CDH13: variants seen among roughly 807,000 people sequenced by gnomAD.
CDH13 encodes the protein cadherin-13.
In CDH13, 24 loss-of-function variants were observed where a neutral mutation model predicts 63.8. The observed-to-expected ratio is 0.38, with a 90% confidence interval of 0.27 to 0.53. CDH13 has a LOEUF of 0.53. Ranked by LOEUF, CDH13 falls within the 20% of genes least tolerant of loss-of-function variation. The pLI, the probability that CDH13 is intolerant of heterozygous loss-of-function variation, is 0.85. For synonymous variants in CDH13, 503 were observed against 355.3 expected (o/e 1.42, Z -4.67); for missense variants, 1,049 against 903.1 (o/e 1.16, Z -2.07).
At chr16:83,206,807 C>T (rs2039196666) in intron 4 of CDH13, among the ~76,000 whole-genome samples, 2 of 152,198 alleles carry the variant, frequency 1.3e-5, no homozygotes, top group Admixed American at 6.5e-5. Flanking sequence ...TTTCTCCAAT[C>T]AAGAGACCAA....
intron 13 of CDH13, among the ~76,000 whole-genome samples, chr16:83,787,060 C>T (rs896367526): frequency 6.6e-6 from 1 of 152,202 alleles, no homozygotes; most frequent in African/African-American, 2.4e-5. Flanking sequence ...CACAAACTGA[C>T]ACATACACTC....
At chr16:83,582,615 T>C (rs1905726375) in intron 7 of CDH13, among the ~76,000 whole-genome samples, 1 of 152,044 alleles carries the variant, frequency 6.6e-6, no homozygotes, top group African/African-American at 2.4e-5. Flanking sequence ...GGAGCCTGAG[T>C]GGCCAGGTCT....
At chr16:83,226,800 C>T (rs891583916) in intron 5 of CDH13, among the ~76,000 whole-genome samples, 4 of 152,302 alleles carry the variant, frequency 2.6e-5, no homozygotes, top group African/African-American at 4.8e-5. Context: ...CTGGCTATGA[C>T]GAGCATTGTG....
At chr16:83,068,100 A>G (rs558891402) in intron 3 of CDH13, among the ~76,000 whole-genome samples, 1 of 152,264 alleles carries the variant, frequency 6.6e-6, no homozygotes, top group Admixed American at 6.5e-5. Flanking sequence ...CAAGGGCCCC[A>G]CCTGAAATGG....
chr16:82,942,638 C>T (rs1457123499), intron 2 of CDH13, among the ~76,000 whole-genome samples: 1 of 152,170 alleles, frequency 6.6e-6, no homozygotes, highest in East Asian at 1.9e-4. Flanking sequence ...CCAATGTGAA[C>T]CATGCTGTAT....
chr16:83,755,469 C>G (rs1254907643), intron 11 of CDH13, among the ~76,000 whole-genome samples: 1 of 152,018 alleles, frequency 6.6e-6, no homozygotes, highest in Non-Finnish European at 1.5e-5. Context: ...AAACCACAAG[C>G]TGGATAAATT....
chr16:83,290,854 CTGTT>C (rs1203161889), intron 5 of CDH13, among the ~76,000 whole-genome samples: 4 of 152,154 alleles, frequency 2.6e-5, no homozygotes, highest in Admixed American at 2.6e-4. Flanking sequence ...CTTTTCCTGA[CTGTT>C]CTCTCTGCCT....
At chr16:82,875,000 G>A (rs895270553) in intron 2 of CDH13, among the ~76,000 whole-genome samples, 4 of 152,134 alleles carry the variant, frequency 2.6e-5, no homozygotes, top group Non-Finnish European at 5.9e-5. Flanking sequence ...CCAGGCTTTT[G>A]GCCATACTCA....
At chr16:83,677,943 A>G (rs1055080611) in intron 9 of CDH13, among the ~76,000 whole-genome samples, 1 of 152,170 alleles carries the variant, frequency 6.6e-6, no homozygotes, top group African/African-American at 2.4e-5. Flanking sequence ...CCGGATCACT[A>G]AGGCTCAAGT....
chr16:82,913,480 A>C (rs1162068258), intron 2 of CDH13, among the ~76,000 whole-genome samples: 1 of 152,154 alleles, frequency 6.6e-6, no homozygotes, highest in Non-Finnish European at 1.5e-5. Context: ...AATATGTGGA[A>C]ATCCAGGCCA....
intron 3 of CDH13, among the ~76,000 whole-genome samples, chr16:83,090,152 A>G (rs969347895): frequency 6.6e-6 from 1 of 152,122 alleles, no homozygotes; most frequent in Admixed American, 6.5e-5. Flanking sequence ...CCCAGGTCCC[A>G]GCTTCTCCAC....
chr16:82,989,022 A>C (rs534113897), intron 2 of CDH13, among the ~76,000 whole-genome samples: 1 of 152,348 alleles, frequency 6.6e-6, no homozygotes, highest in African/African-American at 2.4e-5. Context: ...AACTTATTAA[A>C]GGATGAAAGA....
intron 1 of CDH13, among the ~76,000 whole-genome samples, chr16:82,684,577 A>G (rs377731132): frequency 7.2e-5 from 11 of 152,064 alleles, no homozygotes; most frequent in African/African-American, 2.7e-4. Context: ...GGATCTGGGG[A>G]GCTACCTTAA....
At chr16:82,906,191 T>G (rs141785782) in intron 2 of CDH13, among the ~76,000 whole-genome samples, 39 of 152,214 alleles carry the variant, frequency 2.6e-4, no homozygotes, top group African/African-American at 8.4e-4. Context: ...GTTTTTGCAG[T>G]TCTCATTATT....
At position 83,027,848 on chromosome 16, in the gene CDH13, C is replaced by T. The variant is rs146456262; in HGVS notation, c.158-4162C>T. 1.4e-3 allele frequency among the ~76,000 whole-genome samples: 217 copies of T among 152,256 alleles called. 2 individuals are homozygous for T. The highest frequency in any genetic ancestry group is 5.0e-3 in the African/African-American group (206 of 41,560). On this transcript the variant is annotated intron_variant, in intron 2 of 13. Transcript: ENST00000567109. ...TTTGCATATGTTATGGTTTTCTCTG[C>T]CTAAGTAATAGGTCCCCAATTATTT... is the stretch of plus-strand genomic sequence containing the variant.
chr16:83,260,341 T>G (rs1011171975), intron 5 of CDH13, among the ~76,000 whole-genome samples: 2 of 152,304 alleles, frequency 1.3e-5, no homozygotes, highest in Admixed American at 6.5e-5. Flanking sequence ...CAAAAATACT[T>G]AAGTGGAGGG....
intron 6 of CDH13, among the ~76,000 whole-genome samples, chr16:83,409,539 C>G (rs548521927): frequency 1.3e-5 from 2 of 152,230 alleles, no homozygotes; most frequent in African/African-American, 2.4e-5. Context: ...GGTGATGTGA[C>G]TCAGACCTCT....
At chr16:82,688,883 T>C (rs1320506174) in intron 1 of CDH13, 1 of 152,188 alleles carries the variant, frequency 6.6e-6, no homozygotes, top group East Asian at 1.9e-4. Context: ...ATTTGCTTCT[T>C]GGAAAAGGGA....
At chr16:83,041,377 A>T (rs1917316593) in intron 3 of CDH13, among the ~76,000 whole-genome samples, 1 of 152,166 alleles carries the variant, frequency 6.6e-6, no homozygotes, top group African/African-American at 2.4e-5. Flanking sequence ...CAGTTTCAAG[A>T]ATCAGGATGG....
Sources: gnomAD v4.1 joint callset for allele counts (sites outside exome capture counted in the v4.1 genomes callset) on GRCh38, gnomAD v4.1.1 for gene constraint, MANE v1.5 for transcripts, NCBI Gene and HGNC (gene_info 2026-07-23, HGNC 2026-07-21) for gene names.